RNF17: variants seen among roughly 807,000 people sequenced by gnomAD.
RNF17 encodes the protein spermatogenesis associated 23.
In RNF17, 31 loss-of-function variants were observed where a neutral mutation model predicts 200.5. The ratio of observed to expected loss-of-function variants is 0.15; its 90% CI spans 0.12 to 0.21. RNF17 has a LOEUF of 0.21. Among genes scored for constraint, RNF17 ranks in the 10% least tolerant of loss-of-function variants. RNF17 has a pLI of 1.00. For synonymous variants in RNF17, 606 were observed against 637.8 expected, an observed-to-expected ratio of 0.95 and a Z score of 0.75; for missense variants, 1,628 against 1,905.1, an observed-to-expected ratio of 0.85 and a Z score of 2.71.
At chr13:24,884,422 A>AAAC, downstream of RNF17, 2 of 1,614,090 alleles carry the variant, frequency 1.2e-6, no homozygotes, top group Non-Finnish European at 1.7e-6. Flanking sequence ...TTCCATTGGG[A>AAAC]AACAGTATAA....
At chr13:24,864,177 C>A (rs946251699) in intron 28 of RNF17, among the ~76,000 whole-genome samples, 4 of 152,072 alleles carry the variant, frequency 2.6e-5, no homozygotes, top group African/African-American at 9.7e-5. Context: ...GAGGACAGAC[C>A]ACACGGGTGC....
At chr13:24,790,663 C>T (rs192198404) in intron 9 of RNF17, among the ~76,000 whole-genome samples, 74 of 152,236 alleles carry the variant, frequency 4.9e-4, no homozygotes, top group Non-Finnish European at 7.5e-4. Context: ...GCAGTTCTGG[C>T]GGCTGAGAAG....
chr13:24,869,055 C>G (rs1893973432), intron 31 of RNF17, among the ~76,000 whole-genome samples: 1 of 152,184 alleles, frequency 6.6e-6, no homozygotes, highest in African/African-American at 2.4e-5. Context: ...TTCCACTTAA[C>G]CACCTGGCTG....
intron 32 of RNF17, among the ~76,000 whole-genome samples, chr13:24,871,921 G>A (rs1440758675): frequency 2.0e-5 from 3 of 146,884 alleles, no homozygotes; most frequent in African/African-American, 2.5e-5. Flanking sequence ...GTGAGCCACC[G>A]TGCCCGGCCC....
chr13:24,781,003 C>T (rs374871871), intron 5 of RNF17, among the ~76,000 whole-genome samples: 1 of 151,962 alleles, frequency 6.6e-6, no homozygotes, highest in Non-Finnish European at 1.5e-5. Context: ...GCCTGTGAAA[C>T]GAGACAAGAA....
At chr13:24,782,958 T>TA (rs145621962) in intron 6 of RNF17, among the ~76,000 whole-genome samples, 6,967 of 152,276 alleles carry the variant, frequency 0.046, 505 homozygotes, top group African/African-American at 0.16. Context: ...GGTGTCATAT[T>TA]CAAGATATCA....
At chr13:24,876,790 T>G (rs1894903278) in intron 33 of RNF17, among the ~76,000 whole-genome samples, 1 of 152,226 alleles carries the variant, frequency 6.6e-6, no homozygotes, top group Non-Finnish European at 1.5e-5. Context: ...CGTTGTGTCC[T>G]TTGATACACA....
rs142612118 is a variant in RNF17 at position 24,770,570 on chromosome 13, G to A, written c.225+3204G>A. On this transcript the variant is annotated intron_variant, in intron 2 of 35. Coordinates refer to ENST00000255324, the MANE Select transcript of RNF17 (RefSeq NM_031277.3). The stretch of plus-strand genomic sequence containing the variant: ...TTTAAACCCCAATTTTGGGGAAAAG[G>A]GACTTAAAATACCATTCAGCTCAGT... 6.0e-4 allele frequency among the ~76,000 whole-genome samples: 91 copies of A among 152,158 alleles called. 4 individuals carry two copies. In the East Asian group the frequency reaches 0.016, roughly 27 times the overall value.
At chr13:24,825,093 A>G (rs1188202568) in intron 15 of RNF17, among the ~76,000 whole-genome samples, 2 of 152,202 alleles carry the variant, frequency 1.3e-5, no homozygotes, top group Non-Finnish European at 2.9e-5. Flanking sequence ...CTGCAGAAAA[A>G]TAAGCTGGCT....
intron 33 of RNF17, among the ~76,000 whole-genome samples, chr13:24,874,631 C>CG (rs1894667002): frequency 1.3e-5 from 2 of 152,068 alleles, no homozygotes; most frequent in African/African-American, 4.8e-5. Context: ...AGGCTAGTCT[C>CG]AAACTCCTGA....
At chr13:24,865,163 C>T (rs764956024) in intron 29 of RNF17, among the ~76,000 whole-genome samples, 165 bp downstream of exon 29, 2 of 152,160 alleles carry the variant, frequency 1.3e-5, no homozygotes, top group Non-Finnish European at 2.9e-5. Flanking sequence ...TAGGCTGTGT[C>T]ATGCATTATA....
At chr13:24,776,018 G>C (rs1397138762) in intron 3 of RNF17, among the ~76,000 whole-genome samples, 1 of 152,124 alleles carries the variant, frequency 6.6e-6, no homozygotes, top group Non-Finnish European at 1.5e-5. Context: ...AACTTTCTAA[G>C]CATATTTAAT....
rs1197840846 is a variant in RNF17, at chr13:24,820,184, C to T, written c.2092-5435C>T. Among the ~76,000 whole-genome samples the T allele has an allele frequency of 3.4e-5, 5 of 147,732 alleles. No individual in the cohort carries two copies. The South Asian group carries it at 6.3e-4, about 19-fold the overall frequency. ...CTTGCCCAGGCTGGAGGCAGTGGCA[C>T]GATCTCTGCTCACTGCAGTCTCTGC... On this transcript the variant is annotated intron_variant, in intron 15 of 35. Coordinates refer to ENST00000255324, the MANE Select transcript of RNF17 (RefSeq NM_031277.3).
intron 15 of RNF17, among the ~76,000 whole-genome samples, chr13:24,812,983 A>G (rs1181508864): frequency 6.6e-6 from 1 of 151,882 alleles, no homozygotes; most frequent in African/African-American, 2.4e-5. Context: ...CGCCCGGCCA[A>G]TAGCATTCTT....
chr13:24,774,625 T>TG (rs1881290564), intron 2 of RNF17, among the ~76,000 whole-genome samples, 188 bp from the exon 3 acceptor site: 1 of 152,234 alleles, frequency 6.6e-6, no homozygotes, highest in South Asian at 2.1e-4. Context: ...AATTCGTGAT[T>TG]GCTTCCAAAA....
At chr13:24,821,077 C>T (rs1017304702) in intron 15 of RNF17, among the ~76,000 whole-genome samples, 1 of 152,158 alleles carries the variant, frequency 6.6e-6, no homozygotes, top group African/African-American at 2.4e-5. Flanking sequence ...TTTCACCTCT[C>T]TGCTTTAGAT....
Position 24,850,390 on chromosome 13 carries a change from T to G in RNF17, c.3151T>G (p.Ser1051Ala), listed in dbSNP as rs755316173. Reference sequence around the variant, plus strand: ...GACAGCAACAGCTTGTGACTGTCTTTCATTGTACCTGACTGGAGCTGTAGC... The same window carrying G: ...GACAGCAACAGCTTGTGACTGTCTTGCATTGTACCTGACTGGAGCTGTAGC... Reference protein sequence around the residue: ...KWTATACDCLSLYLTGAVATI... With the variant: ...KWTATACDCLALYLTGAVATI... The change falls in exon 23 of 36, where the codon TCA (serine) becomes GCA (alanine). Residue 1051 changes from serine to alanine, a missense_variant. Transcript: ENST00000255324. 2 of 1,613,806 alleles carry G rather than the reference T, an allele frequency of 1.2e-6. No individual in the cohort carries two copies. The highest frequency in any genetic ancestry group is 2.2e-5 in the South Asian group (2 of 90,992).
intron 10 of RNF17, among the ~76,000 whole-genome samples, chr13:24,793,908 T>C (rs540621245): frequency 1.6e-4 from 24 of 152,316 alleles, no homozygotes; most frequent in African/African-American, 5.8e-4. Context: ...GCTTTTATTT[T>C]CCCCTACCCG....
intron 19 of RNF17, among the ~76,000 whole-genome samples, chr13:24,842,388 G>C (rs965600518): frequency 1.6e-4 from 24 of 152,150 alleles, no homozygotes; most frequent in African/African-American, 5.6e-4. Flanking sequence ...CAAGAGAAAG[G>C]CTCCTTGAGA....
Sources: allele counts gnomAD v4.1 joint callset (sites outside exome capture counted in the v4.1 genomes callset), GRCh38; gene constraint gnomAD v4.1.1; transcripts MANE v1.5; gene names NCBI Gene and HGNC (gene_info 2026-07-23, HGNC 2026-07-21).